The following HS6ST3 variants were observed in gnomAD, a reference collection of about 807,000 sequenced individuals.
The protein encoded by HS6ST3 is heparan sulfate 6-O-sulfotransferase 3, also known as heparan-sulfate 6-O-sulfotransferase 3.
HS6ST3 carries 12 observed loss-of-function variants against 36.7 expected under a neutral mutation model. The ratio of observed to expected loss-of-function variants is 0.33; its 90% CI spans 0.21 to 0.53. HS6ST3 has a LOEUF of 0.53. HS6ST3 is among the 20% of genes least tolerant of loss of function. The pLI is 0.95. For synonymous variants in HS6ST3, 240 were observed against 257.5 expected, an observed-to-expected ratio of 0.93 and a Z score of 0.65; for missense variants, 584 against 640.9, an observed-to-expected ratio of 0.91 and a Z score of 0.96.
At chr13:96,313,249 T>C (rs1175909405) in intron 1 of HS6ST3, among the ~76,000 whole-genome samples, 3 of 151,962 alleles carry the variant, frequency 2.0e-5, no homozygotes, top group South Asian at 2.1e-4. Flanking sequence ...TATTTTCTTA[T>C]TGTCTTGCAA....
chr13:96,205,830 A>G (rs1409063996), intron 1 of HS6ST3, among the ~76,000 whole-genome samples: 3 of 152,190 alleles, frequency 2.0e-5, no homozygotes, highest in Admixed American at 6.5e-5. Flanking sequence ...ATTAAGAGCC[A>G]TATATGACAG....
chr13:96,148,031 A>G (rs773173802), intron 1 of HS6ST3, among the ~76,000 whole-genome samples: 1 of 152,176 alleles, frequency 6.6e-6, no homozygotes, highest in Non-Finnish European at 1.5e-5. Flanking sequence ...ATGACCCAAA[A>G]ATTGGGTAAA....
At chr13:96,173,500 G>A (rs891673330) in intron 1 of HS6ST3, among the ~76,000 whole-genome samples, 1 of 152,102 alleles carries the variant, frequency 6.6e-6, no homozygotes, top group Non-Finnish European at 1.5e-5. Flanking sequence ...AGAAAGATCA[G>A]TCTCATTTAC....
intron 1 of HS6ST3, among the ~76,000 whole-genome samples, chr13:96,795,260 TATA>T (rs1405951503): frequency 6.6e-6 from 1 of 152,012 alleles, no homozygotes; most frequent in Non-Finnish European, 1.5e-5. Context: ...ATCACAATAC[TATA>T]ATAATATTAA....
chr13:96,239,346 A>C (rs1476437278), intron 1 of HS6ST3, among the ~76,000 whole-genome samples: 1 of 152,208 alleles, frequency 6.6e-6, no homozygotes, highest in Non-Finnish European at 1.5e-5. Flanking sequence ...TATGCCTTAG[A>C]GTGTTAATAT....
At chr13:96,533,313 A>G (rs919531819) in intron 1 of HS6ST3, among the ~76,000 whole-genome samples, 1 of 152,214 alleles carries the variant, frequency 6.6e-6, no homozygotes, top group African/African-American at 2.4e-5. Flanking sequence ...TTATTTACTT[A>G]AAAACAAGCT....
At chr13:96,404,612 G>A (rs2139459010) in intron 1 of HS6ST3, among the ~76,000 whole-genome samples, 1 of 152,336 alleles carries the variant, frequency 6.6e-6, no homozygotes, top group East Asian at 1.9e-4. Flanking sequence ...GGAAGGAAAA[G>A]TCTGGGAGTT....
intron 1 of HS6ST3, among the ~76,000 whole-genome samples, chr13:96,269,479 G>T (rs913866256): frequency 2.6e-5 from 4 of 151,974 alleles, no homozygotes; most frequent in Non-Finnish European, 4.4e-5. Flanking sequence ...TGTTAACCTA[G>T]AGACAAGGTG....
At chr13:96,687,740 G>T (rs1215834025) in intron 1 of HS6ST3, among the ~76,000 whole-genome samples, 1 of 151,858 alleles carries the variant, frequency 6.6e-6, no homozygotes. Flanking sequence ...GAAGGGGATT[G>T]TTAAGGATTG....
chr13:96,816,220 A>AC (rs1479045265), intron 1 of HS6ST3, among the ~76,000 whole-genome samples: 2 of 152,210 alleles, frequency 1.3e-5, no homozygotes, highest in Admixed American at 6.5e-5. Context: ...AAACAACAAA[A>AC]CAGGGCTGTT....
intron 1 of HS6ST3, among the ~76,000 whole-genome samples, chr13:96,576,096 C>CG (rs1161765619): frequency 1.3e-5 from 2 of 148,566 alleles, no homozygotes; most frequent in African/African-American, 2.4e-5. Context: ...GGAGAGGGAG[C>CG]GGGGGCACAT....
At chr13:96,214,952 C>T (rs573814674) in intron 1 of HS6ST3, among the ~76,000 whole-genome samples, 71 of 152,124 alleles carry the variant, frequency 4.7e-4, no homozygotes, top group Non-Finnish European at 9.3e-4. Flanking sequence ...TTGGTGCCAG[C>T]CTGTATGTAG....
At chr13:96,308,825 G>T (rs1225912113) in intron 1 of HS6ST3, among the ~76,000 whole-genome samples, 1 of 151,978 alleles carries the variant, frequency 6.6e-6, no homozygotes. Context: ...GCTGTCTAGT[G>T]GTACGCATGA....
intron 1 of HS6ST3, among the ~76,000 whole-genome samples, chr13:96,676,251 C>T (rs1432611867): frequency 6.6e-6 from 1 of 151,854 alleles, no homozygotes; most frequent in Non-Finnish European, 1.5e-5. Flanking sequence ...GCCATCGTTC[C>T]CTATATCTTC....
Position 96,582,086 on chromosome 13 carries a change from G to A in HS6ST3, c.708-250404G>A, listed in dbSNP as rs142972718. ...GTGTCTAGATCTTCAGATTTTTCAA[G>A]GCATCCAGACACAAAGATTTTAAAG... On this transcript the variant is annotated intron_variant, in intron 1 of 1. Transcript: ENST00000376705. 5.3e-5 allele frequency among the ~76,000 whole-genome samples: 8 copies of A among 152,298 alleles called. No homozygotes were observed. The East Asian group carries it at 1.5e-3, about 29-fold the overall frequency.
rs542343590 is a variant in HS6ST3 at position 96,783,850 on chromosome 13, G to A, written c.708-48640G>A. ...TTATTGATTAGTTTGAAAAGAGAGT[G>A]CCTTAAAACCATTATATTTGGTGTG... On this transcript the variant is annotated intron_variant, in intron 1 of 1. Coordinates refer to ENST00000376705, the MANE Select transcript of HS6ST3 (RefSeq NM_153456.4). Among the ~76,000 whole-genome samples the A allele has an allele frequency of 4.6e-5, 7 of 152,208 alleles. No homozygotes were observed. The South Asian group carries it at 1.5e-3, about 32-fold the overall frequency.
At chr13:96,390,944 G>A (rs1279884519) in intron 1 of HS6ST3, among the ~76,000 whole-genome samples, 1 of 152,088 alleles carries the variant, frequency 6.6e-6, no homozygotes, top group African/African-American at 2.4e-5. Context: ...CGTCATTGAG[G>A]TGCTAAAGCC....
At chr13:96,281,793 G>C (rs905528598) in intron 1 of HS6ST3, among the ~76,000 whole-genome samples, 7 of 152,162 alleles carry the variant, frequency 4.6e-5, no homozygotes, top group Non-Finnish European at 7.3e-5. Flanking sequence ...AATTCTTTCA[G>C]ACTTCCCTCA....
intron 1 of HS6ST3, among the ~76,000 whole-genome samples, chr13:96,324,840 A>G (rs2055022585): frequency 6.6e-6 from 1 of 152,220 alleles, no homozygotes; most frequent in Non-Finnish European, 1.5e-5. Context: ...AGGAACCAAG[A>G]TAACTGATAC....
Sources: gnomAD v4.1 joint callset for allele counts (sites outside exome capture counted in the v4.1 genomes callset) on GRCh38, gnomAD v4.1.1 for gene constraint, MANE v1.5 for transcripts, NCBI Gene and HGNC (gene_info 2026-07-23, HGNC 2026-07-21) for gene names.